The following GALNT1 variants were observed in gnomAD, a reference collection of about 807,000 sequenced individuals.
GALNT1 encodes the protein GalNAc transferase 1.
GALNT1 carries 17 observed loss-of-function variants against 65.7 expected under a neutral mutation model. The ratio of observed to expected loss-of-function variants is 0.26; its 90% CI spans 0.18 to 0.39. The LOEUF (loss-of-function observed/expected upper bound fraction) is 0.39. GALNT1 is among the 10% of genes least tolerant of loss of function. GALNT1 has a pLI of 1.00. For synonymous variants in GALNT1, 210 were observed against 219.7 expected, an observed-to-expected ratio of 0.96 and a Z score of 0.39; for missense variants, 460 against 672.8, an observed-to-expected ratio of 0.68 and a Z score of 3.50.
intron 9 of GALNT1, among the ~76,000 whole-genome samples, chr18:35,696,712 C>T (rs2048063839): frequency 6.6e-6 from 1 of 152,258 alleles, no homozygotes; most frequent in African/African-American, 2.4e-5. Context: ...TTCCACTTCA[C>T]AGATAAGTAA....
At chr18:35,592,387 A>T (rs1324262043) in intron 1 of GALNT1, among the ~76,000 whole-genome samples, 1 of 152,216 alleles carries the variant, frequency 6.6e-6, no homozygotes. Flanking sequence ...GATTTTAATA[A>T]TACAAAGAGT....
intron 1 of GALNT1, among the ~76,000 whole-genome samples, chr18:35,582,423 T>G (rs1215466787): frequency 2.0e-5 from 3 of 152,246 alleles, no homozygotes; most frequent in Non-Finnish European, 4.4e-5. Flanking sequence ...AATCAATACG[T>G]TGCCCATTTA....
chr18:35,703,439 A>C (rs2048200857), intron 10 of GALNT1, 70 bp from the exon 11 acceptor site: 1 of 1,380,066 alleles, frequency 7.2e-7, no homozygotes, highest in South Asian at 1.3e-5. Flanking sequence ...TTTCCCTGAC[A>C]GCTAATTGGG....
chr18:35,657,088 T>C (rs1445466346), intron 2 of GALNT1, among the ~76,000 whole-genome samples: 1 of 151,520 alleles, frequency 6.6e-6, no homozygotes, highest in Non-Finnish European at 1.5e-5. Flanking sequence ...TTTTTTTTCA[T>C]TTTTCTTATT....
intron 9 of GALNT1, among the ~76,000 whole-genome samples, chr18:35,692,951 A>T (rs1272691571): frequency 6.6e-6 from 1 of 152,220 alleles, no homozygotes; most frequent in Non-Finnish European, 1.5e-5. Context: ...TACCTCTAGT[A>T]TATGACAAGT....
chr18:35,699,142 T>C (rs971209833), intron 9 of GALNT1, among the ~76,000 whole-genome samples: 1 of 152,198 alleles, frequency 6.6e-6, no homozygotes, highest in South Asian at 2.1e-4. Flanking sequence ...TCAAATCTTA[T>C]AACTAATGTA....
intron 1 of GALNT1, among the ~76,000 whole-genome samples, chr18:35,647,440 T>C (rs1188971746): frequency 7.0e-6 from 1 of 143,788 alleles, no homozygotes; most frequent in African/African-American, 2.7e-5. Context: ...AGTTAATAAG[T>C]GAATTAATAC....
intron 9 of GALNT1, among the ~76,000 whole-genome samples, chr18:35,693,104 G>T (rs935644151): frequency 6.6e-6 from 1 of 152,172 alleles, no homozygotes; most frequent in African/African-American, 2.4e-5. Flanking sequence ...GAGAATGACT[G>T]ACAAGTGAGC....
At chr18:35,622,463 G>A (rs1369556307) in intron 1 of GALNT1, among the ~76,000 whole-genome samples, 2 of 151,898 alleles carry the variant, frequency 1.3e-5, no homozygotes, top group East Asian at 1.9e-4. Flanking sequence ...TGTTGCTCAG[G>A]CTGGTCTCGA....
intron 8 of GALNT1, 32 bp downstream of exon 8, chr18:35,691,224 CT>C (rs779311927): frequency 6.4e-7 from 1 of 1,552,176 alleles, no homozygotes; most frequent in Non-Finnish European, 8.7e-7. Context: ...AAATACAAGG[CT>C]GTACCTTTGT....
intron 3 of GALNT1, among the ~76,000 whole-genome samples, chr18:35,667,671 T>C (rs948186206): frequency 6.6e-6 from 1 of 152,214 alleles, no homozygotes; most frequent in Admixed American, 6.5e-5. Flanking sequence ...CTGTTTTTTT[T>C]CCTTACAGTT....
chr18:35,669,481 AC>A (rs1244971203), intron 3 of GALNT1, among the ~76,000 whole-genome samples: 2 of 152,362 alleles, frequency 1.3e-5, no homozygotes, highest in Admixed American at 1.3e-4. Flanking sequence ...AATAAATGAT[AC>A]ATTAAAAATA....
intron 1 of GALNT1, among the ~76,000 whole-genome samples, chr18:35,592,101 A>G (rs1407010879): frequency 5.3e-5 from 8 of 152,160 alleles, no homozygotes; most frequent in African/African-American, 1.9e-4. Context: ...CAGCATTGAA[A>G]TGATGAAAAC....
At chr18:35,608,871 A>C (rs563835178) in intron 1 of GALNT1, among the ~76,000 whole-genome samples, 1 of 152,202 alleles carries the variant, frequency 6.6e-6, no homozygotes, top group Non-Finnish European at 1.5e-5. Flanking sequence ...ATAACTAAGC[A>C]CTAGCCATCA....
chr18:35,584,204 A>G (rs1232105542), intron 1 of GALNT1, among the ~76,000 whole-genome samples: 1 of 152,190 alleles, frequency 6.6e-6, no homozygotes, highest in Non-Finnish European at 1.5e-5. Context: ...CATTCTCATG[A>G]AAGGTCACAA....
intron 1 of GALNT1, among the ~76,000 whole-genome samples, chr18:35,627,723 G>A (rs1236710438): frequency 6.6e-6 from 1 of 151,684 alleles, no homozygotes; most frequent in Non-Finnish European, 1.5e-5. Flanking sequence ...GTCGGACAGT[G>A]GGTGCAGGAC....
chr18:35,704,131 AAAGGT>A (rs1415624107), intron 11 of GALNT1, among the ~76,000 whole-genome samples: 5 of 152,288 alleles, frequency 3.3e-5, no homozygotes, highest in Admixed American at 3.3e-4. Flanking sequence ...GAAGTACTTA[AAAGGT>A]ATTAGTTCAA....
chr18:35,657,429 C>T (rs536802403), intron 2 of GALNT1, among the ~76,000 whole-genome samples: 64 of 152,140 alleles, frequency 4.2e-4, no homozygotes, highest in African/African-American at 1.4e-3. Context: ...GAACTGGTAG[C>T]GATGTTCTGC....
At chr18:35,698,706 C>T (rs2048103767) in intron 9 of GALNT1, among the ~76,000 whole-genome samples, 1 of 151,482 alleles carries the variant, frequency 6.6e-6, no homozygotes, top group African/African-American at 2.4e-5. Flanking sequence ...GGCCAGGCGC[C>T]GGTGGCTCAC....
Sources: allele counts gnomAD v4.1 joint callset (sites outside exome capture counted in the v4.1 genomes callset), GRCh38; gene constraint gnomAD v4.1.1; transcripts MANE v1.5; gene names NCBI Gene and HGNC (gene_info 2026-07-23, HGNC 2026-07-21).